Variants in PEX5L observed in about 807,000 individuals in gnomAD.
PEX5L encodes peroxisomal biogenesis factor 5 like.
Under a neutral mutation model 84.0 loss-of-function variants are expected in PEX5L, and 30 were observed. That is an observed-to-expected ratio of 0.36 (90% CI 0.27 to 0.48). The LOEUF is 0.48. Ranked by LOEUF, PEX5L falls within the 20% of genes least tolerant of loss-of-function variation. The pLI, the probability that PEX5L is intolerant of heterozygous loss-of-function variation, is 0.99. For missense variants in PEX5L, 533 were observed against 754.6 expected, an observed-to-expected ratio of 0.71 and a Z score of 3.44; for synonymous variants, 270 against 283.1, an observed-to-expected ratio of 0.95 and a Z score of 0.46.
chr3:179,875,527 A>AGGGGGTGGGGGGGGGGGGTG, intron 5 of PEX5L, 50 bp from the exon 6 acceptor site: 1 of 761,038 alleles, frequency 1.3e-6, no homozygotes, highest in Non-Finnish European at 2.1e-6. Flanking sequence ...AGGGCGGGGT[A>AGGGGGTGGGGGGGGGGGGTG]GGGGGAGCGG....
intron 2 of PEX5L, among the ~76,000 whole-genome samples, chr3:179,932,666 A>T (rs1235369873): frequency 6.6e-6 from 1 of 152,196 alleles, no homozygotes; most frequent in Non-Finnish European, 1.5e-5. Flanking sequence ...CTCTATTCAC[A>T]TTCTTAACTT....
intron 2 of PEX5L, among the ~76,000 whole-genome samples, chr3:179,954,204 CGGGGG>C (rs542442468): frequency 1.1e-5 from 1 of 89,568 alleles, no homozygotes; most frequent in African/African-American, 4.2e-5. Context: ...AACCATTAGT[CGGGGG>C]GGGGGGAAAA....
chr3:180,005,819 T>G (rs1317092075), intron 1 of PEX5L, among the ~76,000 whole-genome samples: 2 of 152,236 alleles, frequency 1.3e-5, no homozygotes, highest in African/African-American at 4.8e-5. Flanking sequence ...ATCCTTGGCC[T>G]CTCAAACTGT....
chr3:179,999,147 C>T (rs1166031386), intron 1 of PEX5L, among the ~76,000 whole-genome samples: 1 of 152,136 alleles, frequency 6.6e-6, no homozygotes, highest in Non-Finnish European at 1.5e-5. Context: ...GATGGTCAGG[C>T]ATTTGGAAGA....
chr3:179,947,210 A>G (rs1182380860), intron 2 of PEX5L, among the ~76,000 whole-genome samples: 1 of 152,236 alleles, frequency 6.6e-6, no homozygotes, highest in East Asian at 1.9e-4. Flanking sequence ...TGAAATTTCC[A>G]AACACTAAAA....
At chr3:179,941,148 C>T (rs981792465) in intron 2 of PEX5L, among the ~76,000 whole-genome samples, 2 of 152,162 alleles carry the variant, frequency 1.3e-5, no homozygotes, top group African/African-American at 2.4e-5. Context: ...ATTTATTGTG[C>T]GCCAAGCTCT....
chr3:179,818,588 AC>A (rs1326135469), intron 9 of PEX5L, among the ~76,000 whole-genome samples: 2 of 150,162 alleles, frequency 1.3e-5, no homozygotes, highest in Admixed American at 6.6e-5. Flanking sequence ...CCAGTTCCCT[AC>A]CCCCCTCCCC....
At chr3:180,026,133 C>CTTTTTTTTTTTTTTTTTTTT (rs368852075) in intron 1 of PEX5L, among the ~76,000 whole-genome samples, 1 of 101,762 alleles carries the variant, frequency 9.8e-6, no homozygotes, top group Non-Finnish European at 2.0e-5. Flanking sequence ...TTTCAGCATT[C>CTTTTTTTTTTTTTTTTTTTT]TTTTTTTTTT....
rs190921361 is a variant in PEX5L at position 179,820,047 on chromosome 3, C to A, written c.823-71G>T. The A allele has an allele frequency of 2.8e-3, 4,419 of 1,599,788 alleles. 124 individuals are homozygous for A. In the African/African-American group the frequency reaches 0.053, roughly 19 times the overall value. The stretch of plus-strand genomic sequence containing the variant: ...ACATCATCTGTGTTTTTCTTCCCCC[C>A]CTAATAGATAAAAGAGGCTTCTGGG... On this transcript the variant is annotated intron_variant, in intron 8 of 14. Coordinates refer to ENST00000467460, the MANE Select transcript of PEX5L (RefSeq NM_016559.3).
At chr3:179,968,125 C>A (rs1031238548) in intron 2 of PEX5L, among the ~76,000 whole-genome samples, 3 of 152,100 alleles carry the variant, frequency 2.0e-5, no homozygotes, top group African/African-American at 2.4e-5. Context: ...TAACTGTATC[C>A]ATCATATAAT....
At chr3:179,900,584 G>A in intron 2 of PEX5L, 1 of 937,030 alleles carries the variant, frequency 1.1e-6, no homozygotes, top group Non-Finnish European at 1.6e-6. Flanking sequence ...CTTTCATGCT[G>A]AACTCTAGAA....
rs148728246 is a variant in PEX5L at position 179,897,433 on chromosome 3, C to T, written c.198+709G>A. On this transcript the variant is annotated intron_variant, in intron 3 of 14. Coordinates refer to ENST00000467460, the MANE Select transcript of PEX5L (RefSeq NM_016559.3). Reference sequence around the variant, plus strand: ...TTTTACAGGGTGTTTCAAAAGTCCCCGAGGACATATAGGATTCACAGTCTC... The same window carrying T: ...TTTTACAGGGTGTTTCAAAAGTCCCTGAGGACATATAGGATTCACAGTCTC... Among the ~76,000 whole-genome samples the T allele has an allele frequency of 5.4e-3, 819 of 152,132 alleles. 3 individuals carry two copies. The highest frequency in any genetic ancestry group is 8.4e-3 in the Non-Finnish European group (570 of 67,988).
At chr3:179,948,956 A>G (rs1341531722) in intron 2 of PEX5L, among the ~76,000 whole-genome samples, 1 of 152,230 alleles carries the variant, frequency 6.6e-6, no homozygotes, top group African/African-American at 2.4e-5. Flanking sequence ...GACTTTAATA[A>G]TATTTAGTTA....
intron 1 of PEX5L, among the ~76,000 whole-genome samples, chr3:180,023,771 C>CACAG (rs1351992990): frequency 4.9e-5 from 5 of 102,792 alleles, no homozygotes; most frequent in African/African-American, 1.8e-4. Flanking sequence ...CGCACACACA[C>CACAG]AGAGAGAGAG....
At chr3:179,921,601 A>G (rs994825731) in intron 2 of PEX5L, 1 of 152,196 alleles carries the variant, frequency 6.6e-6, no homozygotes, top group Non-Finnish European at 1.5e-5. Context: ...GTGAAGAGAG[A>G]CATACGTTAT....
At chr3:179,867,884 T>A (rs1288597811) in intron 7 of PEX5L, among the ~76,000 whole-genome samples, 3 of 152,070 alleles carry the variant, frequency 2.0e-5, no homozygotes, top group African/African-American at 7.2e-5. Context: ...AATTACTTAA[T>A]CATATCAACC....
Position 179,801,965 on chromosome 3 carries a change from G to T in PEX5L, c.1744C>A (p.Pro582Thr). The change falls in exon 15 of 15, where the codon CCT becomes ACT. Residue 582 changes from proline (P) to threonine (T), a missense_variant. By Grantham distance (38) the Pro-to-Thr change is conservative. Transcript: ENST00000467460. ...QRKSRNQQQVPHPAISGNIWA... is the reference protein window; with the variant it reads ...QRKSRNQQQVTHPAISGNIWA... ...ATATTCCCAGAGATTGCAGGATGAG[G>T]AACTTGCTGCTGATTCCTGCTCTTT... is the stretch of plus-strand genomic sequence containing the variant. The T allele has an allele frequency of 6.2e-7, 1 of 1,613,856 alleles. No homozygotes were observed. The highest frequency in any genetic ancestry group is 1.3e-5 in the African/African-American group (1 of 75,026).
chr3:179,934,293 G>C (rs187645839), intron 2 of PEX5L, among the ~76,000 whole-genome samples: 1 of 152,298 alleles, frequency 6.6e-6, no homozygotes, highest in African/African-American at 2.4e-5. Flanking sequence ...GAAGGAAGGA[G>C]GATTGGAAAG....
chr3:179,808,271 C>A lies in PEX5L; in HGVS notation c.1518+1G>T. The A allele has an allele frequency of 6.4e-7, 1 of 1,561,894 alleles. No individual in the cohort carries two copies. The highest frequency in any genetic ancestry group is 8.6e-7 in the Non-Finnish European group (1 of 1,157,372). On this transcript the variant is annotated splice_donor_variant, in intron 13 of 14. Coordinates refer to ENST00000467460, the MANE Select transcript of PEX5L (RefSeq NM_016559.3). LOFTEE classifies it high-confidence loss of function. ...TTTCTTGCTGTGCTGTGCTGTCTTA[C>A]CTCTGGCCGAACAGTTAAGGCAGCG...
Sources: allele counts gnomAD v4.1 joint callset (sites outside exome capture counted in the v4.1 genomes callset), GRCh38; gene constraint gnomAD v4.1.1; transcripts MANE v1.5; gene names NCBI Gene and HGNC (gene_info 2026-07-23, HGNC 2026-07-21).